Variants in CCSER1 observed in about 807,000 individuals in gnomAD.
The protein encoded by CCSER1 is serine-rich coiled-coil domain-containing protein 1.
A neutral mutation model predicts 82.0 loss-of-function variants in CCSER1; 41 were observed. The ratio of observed to expected loss-of-function variants is 0.50; its 90% CI spans 0.39 to 0.65. The LOEUF (loss-of-function observed/expected upper bound fraction) is 0.65, where lower values mean the gene tolerates loss of function less well. Ranked by LOEUF, CCSER1 falls within the 30% of genes least tolerant of loss-of-function variation. CCSER1 has a pLI of 0.00. For missense variants in CCSER1, 1,119 were observed against 1,064.2 expected, an observed-to-expected ratio of 1.05 and a Z score of -0.72; for synonymous variants, 414 against 383.9, an observed-to-expected ratio of 1.08 and a Z score of -0.92.
chr4:91,215,904 G>T (rs766723273), intron 10 of CCSER1, among the ~76,000 whole-genome samples: 8 of 152,108 alleles, frequency 5.3e-5, no homozygotes, highest in Non-Finnish European at 8.8e-5. Flanking sequence ...CTGCAAAGTG[G>T]CCAAACTCCC....
chr4:90,296,561 CT>C, intron 1 of CCSER1, among the ~76,000 whole-genome samples: 1 of 152,212 alleles, frequency 6.6e-6, no homozygotes, highest in Admixed American at 6.6e-5. Flanking sequence ...ACATGAAGTC[CT>C]TGCCCATGCC....
intron 10 of CCSER1, among the ~76,000 whole-genome samples, chr4:91,424,048 C>T (rs556067296): frequency 2.7e-5 from 3 of 110,786 alleles, no homozygotes; most frequent in South Asian, 3.2e-4. Flanking sequence ...CTCGCTCTGT[C>T]GCCCAGGCCG....
In CCSER1 at chr4:91,107,979, C is replaced by T. The variant is rs1236624903; in HGVS notation, c.2217+21985C>T. 8 of 152,254 alleles carry T rather than the reference C, an allele frequency of 5.3e-5. No homozygotes were observed. The East Asian group carries it at 1.4e-3, about 26-fold the overall frequency. 9.4% of individuals were successfully genotyped at this position (152,254 alleles called of 1,614,324 possible). A position where few individuals can be genotyped will look rare whatever the true frequency, so the allele number is the denominator to read the frequency against. On this transcript the variant is annotated intron_variant, in intron 10 of 10. Transcript: ENST00000509176. ...CCTTTTGATTTTCTCTTGATTTCTG[C>T]CATACCGATGTCCTGACCATCATTG...
At chr4:91,418,326 A>G (rs1263765060) in intron 10 of CCSER1, among the ~76,000 whole-genome samples, 2 of 145,670 alleles carry the variant, frequency 1.4e-5, no homozygotes, top group East Asian at 4.0e-4. Flanking sequence ...AACAAAATTG[A>G]CAAAACTCCA....
chr4:91,559,458 C>T (rs1490998643), intron 10 of CCSER1, among the ~76,000 whole-genome samples: 1 of 151,372 alleles, frequency 6.6e-6, no homozygotes, highest in African/African-American at 2.4e-5. Context: ...AATATTTTTC[C>T]CCCTGGGATA....
At chr4:90,157,110 T>C (rs1164922548) in intron 1 of CCSER1, among the ~76,000 whole-genome samples, 1 of 152,190 alleles carries the variant, frequency 6.6e-6, no homozygotes, top group East Asian at 1.9e-4. Context: ...CTGTAAAGTA[T>C]TTTATTTCTC....
At chr4:90,691,878 G>A (rs190486588) in intron 6 of CCSER1, among the ~76,000 whole-genome samples, 9 of 151,692 alleles carry the variant, frequency 5.9e-5, no homozygotes, top group Non-Finnish European at 1.0e-4. Flanking sequence ...ATAGGTTCCC[G>A]TGTCTGTTGT....
At chr4:91,078,349 C>T (rs1352778305) in intron 9 of CCSER1, among the ~76,000 whole-genome samples, 1 of 152,166 alleles carries the variant, frequency 6.6e-6, no homozygotes, top group Non-Finnish European at 1.5e-5. Flanking sequence ...TCCAACAGAC[C>T]TGCAGCTGAA....
At chr4:90,467,555 C>A (rs564786186) in intron 4 of CCSER1, among the ~76,000 whole-genome samples, 1 of 151,678 alleles carries the variant, frequency 6.6e-6, no homozygotes, top group Non-Finnish European at 1.5e-5. Context: ...CGGTGGCGGG[C>A]GCCTGTAATC....
intron 10 of CCSER1, among the ~76,000 whole-genome samples, chr4:91,277,100 T>C (rs1742526184): frequency 1.3e-5 from 2 of 152,120 alleles, no homozygotes; most frequent in Admixed American, 1.3e-4. Context: ...TCAGGGATAT[T>C]GGACTGTAGT....
intron 10 of CCSER1, among the ~76,000 whole-genome samples, chr4:91,307,845 T>G (rs1528568): frequency 0.74 from 112,306 of 151,704 alleles, 41,697 homozygotes; most frequent in Middle Eastern, 0.8. Flanking sequence ...TTAAAAATAT[T>G]GGTCATTTAT....
intron 10 of CCSER1, among the ~76,000 whole-genome samples, chr4:91,183,645 G>T: frequency 6.6e-6 from 1 of 151,688 alleles, no homozygotes; most frequent in East Asian, 2.0e-4. Flanking sequence ...TAGAGTCCGT[G>T]AATTAGTATG....
intron 8 of CCSER1, among the ~76,000 whole-genome samples, chr4:90,867,343 T>C (rs1041962928): frequency 1.3e-5 from 2 of 152,092 alleles, no homozygotes; most frequent in East Asian, 3.9e-4. Flanking sequence ...CTTTCAAATA[T>C]TTATAAATAT....
At chr4:91,562,830 C>A (rs933961851) in intron 10 of CCSER1, among the ~76,000 whole-genome samples, 1 of 151,500 alleles carries the variant, frequency 6.6e-6, no homozygotes, top group African/African-American at 2.4e-5. Flanking sequence ...GATGTGAAGA[C>A]TTTTCAGGAA....
intron 8 of CCSER1, among the ~76,000 whole-genome samples, chr4:90,884,976 A>T (rs1230618044): frequency 3.3e-5 from 5 of 152,188 alleles, no homozygotes; most frequent in Admixed American, 3.3e-4. Context: ...CTTTAAATTC[A>T]ATTACAATAG....
chr4:90,939,334 G>C (rs991826466), intron 9 of CCSER1, among the ~76,000 whole-genome samples: 5 of 152,130 alleles, frequency 3.3e-5, no homozygotes, highest in Non-Finnish European at 5.9e-5. Flanking sequence ...TGGTTTATTG[G>C]AAATTAACCT....
chr4:91,032,750 C>T (rs546685234), intron 9 of CCSER1, among the ~76,000 whole-genome samples: 1 of 152,192 alleles, frequency 6.6e-6, no homozygotes, highest in Admixed American at 6.5e-5. Context: ...CTTTAATATG[C>T]AGCAGAATTG....
chr4:91,264,118 GA>G (rs1461001090), intron 10 of CCSER1, among the ~76,000 whole-genome samples: 3 of 143,146 alleles, frequency 2.1e-5, no homozygotes, highest in South Asian at 2.4e-4. Flanking sequence ...CATTTATGAT[GA>G]ATGAGGAAGA....
At chr4:91,178,463 A>C (rs377076190) in intron 10 of CCSER1, among the ~76,000 whole-genome samples, 2 of 152,114 alleles carry the variant, frequency 1.3e-5, no homozygotes, top group African/African-American at 4.8e-5. Flanking sequence ...GTAGGTCACT[A>C]AGGACTTGCT....
Sources: allele counts gnomAD v4.1 joint callset (sites outside exome capture counted in the v4.1 genomes callset), GRCh38; gene constraint gnomAD v4.1.1; transcripts MANE v1.5; gene names NCBI Gene and HGNC (gene_info 2026-07-23, HGNC 2026-07-21).